IL34: variants seen among roughly 807,000 people sequenced by gnomAD.
The protein encoded by IL34 is interleukin-34.
IL34 carries 17 observed loss-of-function variants against 25.3 expected under a neutral mutation model. The ratio of observed to expected loss-of-function variants is 0.67; its 90% CI spans 0.46 to 1.01. IL34 has a LOEUF of 1.01. Among genes scored for constraint, IL34 ranks in the 50% least tolerant of loss-of-function variants. The pLI is 0.00. For synonymous variants in IL34, 174 were observed against 140.9 expected (o/e 1.23, Z -1.66); for missense variants, 368 against 312.9 (o/e 1.18, Z -1.33).
intron 1 of IL34, among the ~76,000 whole-genome samples, chr16:70,637,556 C>G (rs2051683638): frequency 6.6e-6 from 1 of 150,928 alleles, no homozygotes; most frequent in African/African-American, 2.4e-5. Flanking sequence ...GTTGGCCAGG[C>G]AGGTCTCAAA....
chr16:70,626,760 T>C (rs1343666926), intron 1 of IL34, among the ~76,000 whole-genome samples: 2 of 152,216 alleles, frequency 1.3e-5, no homozygotes, highest in Non-Finnish European at 2.9e-5. Flanking sequence ...CCTTTTGGAA[T>C]TTATCCTGAT....
chr16:70,625,960 A>G (rs1466400111), intron 1 of IL34, among the ~76,000 whole-genome samples: 1 of 152,202 alleles, frequency 6.6e-6, no homozygotes, highest in Non-Finnish European at 1.5e-5. Flanking sequence ...GAGCAGGAGG[A>G]CAGGGGATTG....
At chr16:70,657,554 G>A (rs2052264658) in intron 4 of IL34, among the ~76,000 whole-genome samples, 2 of 152,076 alleles carry the variant, frequency 1.3e-5, no homozygotes, top group African/African-American at 2.4e-5. Context: ...AGCACTTTGG[G>A]AGGCCGAGGT....
At chr16:70,590,686 C>G (rs2050743427) in intron 1 of IL34, among the ~76,000 whole-genome samples, 1 of 152,154 alleles carries the variant, frequency 6.6e-6, no homozygotes, top group South Asian at 2.1e-4. Context: ...TAGGGGCTGT[C>G]AACACCTGGG....
intron 1 of IL34, among the ~76,000 whole-genome samples, chr16:70,603,133 A>G (rs1041712566): frequency 6.6e-6 from 1 of 152,224 alleles, no homozygotes; most frequent in Admixed American, 6.5e-5. Context: ...GAGAAAAAAA[A>G]GACAAAAAAA....
rs1024169376 is a variant in IL34, at chr16:70,658,386, G to A, written c.403-1232G>A. ...GGGGTCTCGCTATGTTGCCCAGGCTGGTCTTGAACCCCTGGCCTCAAGTGA... is the reference window on the plus strand; with the variant it reads ...GGGGTCTCGCTATGTTGCCCAGGCTAGTCTTGAACCCCTGGCCTCAAGTGA... On this transcript the variant is annotated intron_variant, in intron 4 of 5. Coordinates refer to ENST00000288098, the MANE Select transcript of IL34 (RefSeq NM_001393494.1). Among the ~76,000 whole-genome samples the A allele has an allele frequency of 3.3e-5, 5 of 152,198 alleles. 1 individual carries two copies. Among genetic ancestry groups the A allele is most frequent in the Admixed American group, 3.3e-4 (5 of 15,264 alleles).
At chr16:70,584,940 A>G (rs2050674540) in intron 1 of IL34, among the ~76,000 whole-genome samples, 1 of 152,144 alleles carries the variant, frequency 6.6e-6, no homozygotes, top group Admixed American at 6.5e-5. Flanking sequence ...ACCTCAGGCA[A>G]TCTGCCCGCT....
chr16:70,650,518 G>A (rs1311604793), intron 1 of IL34, among the ~76,000 whole-genome samples: 2 of 152,224 alleles, frequency 1.3e-5, no homozygotes, highest in Non-Finnish European at 2.9e-5. Context: ...GGCAGGTGCT[G>A]TAGGGTTGGG....
chr16:70,622,851 T>C (rs2051310863), intron 1 of IL34, among the ~76,000 whole-genome samples: 1 of 152,002 alleles, frequency 6.6e-6, no homozygotes, highest in Admixed American at 6.6e-5. Context: ...TTTTAGGGCC[T>C]CTAAAAGTAT....
intron 1 of IL34, among the ~76,000 whole-genome samples, chr16:70,597,344 C>T (rs890344019): frequency 6.6e-6 from 1 of 152,238 alleles, no homozygotes; most frequent in African/African-American, 2.4e-5. Context: ...CCTCAGCCTC[C>T]CATGTAGCTG....
At chr16:70,611,230 AAC>A (rs1329729678) in intron 1 of IL34, among the ~76,000 whole-genome samples, 1 of 152,024 alleles carries the variant, frequency 6.6e-6, no homozygotes, top group African/African-American at 2.4e-5. Context: ...TGTATTTTGA[AAC>A]ACATGTGAGA....
rs2052162772 is a variant in IL34 at position 70,654,523 on chromosome 16, G to A, written c.29-15G>A. ...TGGAGGGTGCTCATGTGCTCTTGTC[G>A]GGTGTGGTCCACAGATCTTGGGATC... On this transcript the variant is annotated splice_polypyrimidine_tract_variant and intron_variant, in intron 1 of 5. Coordinates refer to ENST00000288098, the MANE Select transcript of IL34 (RefSeq NM_001393494.1). 1.3e-6 allele frequency: 2 copies of A among 1,599,488 alleles called. No homozygotes were observed. The highest frequency in any genetic ancestry group is 1.7e-6 in the Non-Finnish European group (2 of 1,169,622).
chr16:70,656,268 G>A (rs1360521234), intron 2 of IL34, among the ~76,000 whole-genome samples: 1 of 152,186 alleles, frequency 6.6e-6, no homozygotes, highest in Non-Finnish European at 1.5e-5. Context: ...CGGGCATGGT[G>A]GCTCATACCT....
chr16:70,620,396 G>A (rs887814408), intron 1 of IL34, among the ~76,000 whole-genome samples: 9 of 152,068 alleles, frequency 5.9e-5, no homozygotes, highest in African/African-American at 1.9e-4. Flanking sequence ...GTGGGGGAGG[G>A]CTAGTCACGC....
intron 1 of IL34, among the ~76,000 whole-genome samples, chr16:70,600,772 G>A (rs146276888): frequency 6.5e-4 from 99 of 152,200 alleles, no homozygotes; most frequent in Admixed American, 2.1e-3. Context: ...AAAGTATTTG[G>A]GAGAAACAGG....
intron 1 of IL34, among the ~76,000 whole-genome samples, chr16:70,599,871 G>A (rs554071781): frequency 6.6e-5 from 10 of 151,728 alleles, no homozygotes; most frequent in Non-Finnish European, 1.2e-4. Flanking sequence ...GTAGAGATGG[G>A]GTCTCCCTAT....
chr16:70,608,638 C>T (rs986405308), intron 1 of IL34, among the ~76,000 whole-genome samples: 7 of 152,308 alleles, frequency 4.6e-5, no homozygotes, highest in South Asian at 4.1e-4. Context: ...TAGCCTCTGC[C>T]GCCAACTCTG....
intron 1 of IL34, among the ~76,000 whole-genome samples, chr16:70,628,274 T>G (rs762462756): frequency 5.9e-5 from 9 of 152,204 alleles, no homozygotes; most frequent in East Asian, 3.8e-4. Flanking sequence ...GACCTACTTA[T>G]GATGTTAAAT....
intron 1 of IL34, among the ~76,000 whole-genome samples, chr16:70,648,568 A>AG (rs2151873055): frequency 6.6e-6 from 1 of 150,648 alleles, no homozygotes; most frequent in Admixed American, 6.6e-5. Context: ...AAAAAAAAAA[A>AG]AAAAAAAGGA....
Sources: gnomAD v4.1 joint callset for allele counts (sites outside exome capture counted in the v4.1 genomes callset) on GRCh38, gnomAD v4.1.1 for gene constraint, MANE v1.5 for transcripts, NCBI Gene and HGNC (gene_info 2026-07-23, HGNC 2026-07-21) for gene names.